Variants in PGGT1B observed in about 807,000 individuals in gnomAD.
PGGT1B encodes the protein geranylgeranyl transferase type-1 subunit beta.
Under a neutral mutation model 46.1 loss-of-function variants are expected in PGGT1B, and 30 were observed. That is an observed-to-expected ratio of 0.65 (90% CI 0.49 to 0.88). The LOEUF (loss-of-function observed/expected upper bound fraction) is 0.88. Ranked by LOEUF, PGGT1B falls within the 40% of genes least tolerant of loss-of-function variation. PGGT1B has a pLI of 0.00. For missense variants in PGGT1B, 376 were observed against 455.9 expected (o/e 0.82, Z 1.60); for synonymous variants, 170 against 160.0 (o/e 1.06, Z -0.47).
chr5:115,260,026 AATTG>A (rs1237217072), intron 1 of PGGT1B, among the ~76,000 whole-genome samples: 1 of 152,192 alleles, frequency 6.6e-6, no homozygotes, highest in Non-Finnish European at 1.5e-5. Flanking sequence ...GAAACCTGGT[AATTG>A]ATAAAGCTCC....
chr5:115,249,859 T>C (rs537815275), intron 2 of PGGT1B, among the ~76,000 whole-genome samples: 3 of 152,344 alleles, frequency 2.0e-5, no homozygotes, highest in South Asian at 2.1e-4. Flanking sequence ...CCATAGTTTA[T>C]GTAACTTTCA....
chr5:115,226,096 G>T (rs933001267), intron 6 of PGGT1B, among the ~76,000 whole-genome samples: 2 of 150,910 alleles, frequency 1.3e-5, no homozygotes, highest in Non-Finnish European at 2.9e-5. Context: ...TGGGGGTGGG[G>T]GCAGCGAGAA....
At chr5:115,227,182 G>A (rs921891001) in intron 6 of PGGT1B, among the ~76,000 whole-genome samples, 15 of 152,144 alleles carry the variant, frequency 9.9e-5, no homozygotes, top group African/African-American at 3.6e-4. Context: ...GGGTTTTAAA[G>A]TGGGTTATGA....
In PGGT1B at chr5:115,222,238, C is replaced by T. The variant is rs1252728833; in HGVS notation, c.659-230G>A. Among the ~76,000 whole-genome samples the T allele has an allele frequency of 3.3e-5, 5 of 152,132 alleles. No individual in the cohort carries two copies. The South Asian group carries it at 1.0e-3, about 32-fold the overall frequency. On this transcript the variant is annotated intron_variant, in intron 6 of 8. Coordinates refer to ENST00000419445, the MANE Select transcript of PGGT1B (RefSeq NM_005023.4). ...ATTTTACTTATGAAAAAAAGTAAGA[C>T]TTGGAACAAGATTAAGGAACTTGTT...
chr5:115,233,751 G>A (rs990000692), intron 5 of PGGT1B, among the ~76,000 whole-genome samples: 64 of 151,786 alleles, frequency 4.2e-4, no homozygotes, highest in African/African-American at 1.4e-3. Context: ...ATCACTTTTC[G>A]ACTACCAGAA....
intron 6 of PGGT1B, among the ~76,000 whole-genome samples, chr5:115,223,929 T>C (rs892130627): frequency 1.3e-5 from 2 of 152,216 alleles, no homozygotes; most frequent in African/African-American, 4.8e-5. Context: ...ATACATCTCA[T>C]GCCTTAACTT....
At chr5:115,262,633 G>A in intron 1 of PGGT1B, 79 bp downstream of exon 1, 1 of 1,498,738 alleles carries the variant, frequency 6.7e-7, no homozygotes, top group Middle Eastern at 1.8e-4. Context: ...CCGGCGCCCA[G>A]TTTGCGGTCC....
intron 1 of PGGT1B, among the ~76,000 whole-genome samples, chr5:115,256,968 A>G (rs1304585075): frequency 1.3e-5 from 2 of 152,078 alleles, no homozygotes; most frequent in Non-Finnish European, 2.9e-5. Context: ...TTTCCCTAGA[A>G]CTCAATCTGA....
intron 6 of PGGT1B, among the ~76,000 whole-genome samples, chr5:115,225,842 T>C (rs1001238262): frequency 6.6e-6 from 1 of 151,674 alleles, no homozygotes; most frequent in African/African-American, 2.4e-5. Context: ...AGAGATGGGG[T>C]TTCATCATGT....
chr5:115,207,571 T>C lies in PGGT1B; in HGVS notation c.*4831A>G, dbSNP rs1433786891. The C allele has an allele frequency of 6.6e-6, 1 of 152,050 alleles. No homozygotes were observed. The highest frequency in any genetic ancestry group is 1.5e-5 in the Non-Finnish European group (1 of 67,934). The allele number at this position is 152,050 out of a possible 1,614,324, so 9.4% of individuals were successfully genotyped here. On this transcript the variant is annotated 3_prime_UTR_variant, in exon 9 of 9. Transcript: ENST00000419445. The stretch of plus-strand genomic sequence containing the variant: ...TACATAGATGCTGTCTGTTTTGAAC[T>C]TCACCGAAATGGAATCAAAGTATGC...
Position 115,236,541 on chromosome 5 carries a change from A to C in PGGT1B, c.480-19T>G. On this transcript the variant is annotated intron_variant, in intron 4 of 8. Transcript: ENST00000419445. The stretch of plus-strand genomic sequence containing the variant: ...ACAAAAACTGAAAATAATAACAACA[A>C]TATGATTTTCTATTAACACTGGACT... The C allele has an allele frequency of 6.7e-7, 1 of 1,498,068 alleles. No individual in the cohort carries two copies. Among genetic ancestry groups the C allele is most frequent in the Non-Finnish European group, 8.9e-7 (1 of 1,125,852 alleles). 92.8% of individuals were successfully genotyped at this position (1,498,068 alleles called of 1,614,324 possible).
intron 1 of PGGT1B, among the ~76,000 whole-genome samples, chr5:115,260,495 C>T (rs1379366321): frequency 3.3e-5 from 5 of 151,968 alleles, no homozygotes; most frequent in Non-Finnish European, 4.4e-5. Context: ...TGACCGGTCA[C>T]CTTTGCTGAA....
At chr5:115,250,740 G>A (rs1290844412) in intron 2 of PGGT1B, among the ~76,000 whole-genome samples, 1 of 152,142 alleles carries the variant, frequency 6.6e-6, no homozygotes, top group Non-Finnish European at 1.5e-5. Context: ...AAACTCACCT[G>A]TATAACCAGC....
In PGGT1B at chr5:115,225,225, G is replaced by A. The variant is rs1428485686; in HGVS notation, c.659-3217C>T. ...AAAAGAATAAGAAAGATTTTCATCT[G>A]AAATGGTTAAAAGTTTGCCACCTAC... On this transcript the variant is annotated intron_variant, in intron 6 of 8. Transcript: ENST00000419445. Among the ~76,000 whole-genome samples the A allele has an allele frequency of 3.3e-5, 5 of 152,198 alleles. No homozygotes were observed. The South Asian group carries it at 6.2e-4, about 19-fold the overall frequency.
intron 3 of PGGT1B, 72 bp downstream of exon 3, chr5:115,241,467 C>T (rs1757342524): frequency 1.1e-6 from 1 of 882,732 alleles, no homozygotes; most frequent in Non-Finnish European, 1.7e-6. Flanking sequence ...TTCTGTGTAA[C>T]TTCTTAGTTT....
chr5:115,248,785 G>A (rs1250832292), intron 2 of PGGT1B, among the ~76,000 whole-genome samples: 1 of 152,190 alleles, frequency 6.6e-6, no homozygotes, highest in Non-Finnish European at 1.5e-5. Flanking sequence ...ATTTGTGTGA[G>A]GTTTCAGACA....
intron 2 of PGGT1B, among the ~76,000 whole-genome samples, chr5:115,245,742 G>A (rs1747803810): frequency 6.6e-6 from 1 of 151,938 alleles, no homozygotes; most frequent in African/African-American, 2.4e-5. Flanking sequence ...TTTCCAGAAA[G>A]ACTGTATACT....
At chr5:115,227,614 C>T (rs1186145926) in intron 6 of PGGT1B, among the ~76,000 whole-genome samples, 2 of 152,216 alleles carry the variant, frequency 1.3e-5, no homozygotes, top group African/African-American at 4.8e-5. Context: ...TATGGCCTGA[C>T]TTGTCCACCT....
At chr5:115,219,579 A>G (rs1035162492) in intron 7 of PGGT1B, among the ~76,000 whole-genome samples, 1 of 151,892 alleles carries the variant, frequency 6.6e-6, no homozygotes, top group Non-Finnish European at 1.5e-5. Flanking sequence ...ACAATCAATA[A>G]AAGAAAAATT....
Sources: gnomAD v4.1 joint callset for allele counts (sites outside exome capture counted in the v4.1 genomes callset) on GRCh38, gnomAD v4.1.1 for gene constraint, MANE v1.5 for transcripts, NCBI Gene and HGNC (gene_info 2026-07-23, HGNC 2026-07-21) for gene names.